Variants in TMEM132D observed in about 807,000 individuals in gnomAD.
TMEM132D encodes transmembrane protein 132D, also known as mature OL transmembrane protein.
In TMEM132D, 21 loss-of-function variants were observed where a neutral mutation model predicts 62.3. The ratio of observed to expected loss-of-function variants is 0.34; its 90% CI spans 0.24 to 0.49. The LOEUF (loss-of-function observed/expected upper bound fraction) is 0.49, where lower values mean the gene tolerates loss of function less well. TMEM132D is among the 20% of genes least tolerant of loss of function. The probability of loss-of-function intolerance (pLI) is 0.99; values close to 1 mark genes in which losing one functional copy is unlikely to be tolerated. For synonymous variants in TMEM132D, 621 were observed against 575.6 expected, an observed-to-expected ratio of 1.08 and a Z score of -1.13; for missense variants, 1,346 against 1,402.8, an observed-to-expected ratio of 0.96 and a Z score of 0.65.
chr12:129,128,190 G>A (rs909694605), intron 5 of TMEM132D, among the ~76,000 whole-genome samples: 1 of 152,156 alleles, frequency 6.6e-6, no homozygotes, highest in African/African-American at 2.4e-5. Flanking sequence ...AATGGTCACT[G>A]CCCATTTTCG....
At chr12:129,156,978 C>A (rs4964867) in intron 5 of TMEM132D, among the ~76,000 whole-genome samples, 80,364 of 151,998 alleles carry the variant, frequency 0.53, 23,393 homozygotes, top group Non-Finnish European at 0.66. Flanking sequence ...CGAGCCCACT[C>A]CTGAGATAAC....
intron 5 of TMEM132D, among the ~76,000 whole-genome samples, chr12:129,087,791 G>A (rs1874668494): frequency 6.6e-6 from 1 of 152,208 alleles, no homozygotes; most frequent in African/African-American, 2.4e-5. Flanking sequence ...TGGTGTGATG[G>A]TTTGTTATTG....
intron 5 of TMEM132D, among the ~76,000 whole-genome samples, chr12:129,125,397 G>A (rs955547712): frequency 1.3e-5 from 2 of 151,708 alleles, no homozygotes; most frequent in African/African-American, 4.8e-5. Context: ...CTTCTTAATC[G>A]TCCTGTGATT....
chr12:129,615,775 TAAAAC>T (rs200360615), intron 2 of TMEM132D, among the ~76,000 whole-genome samples: 166 of 130,158 alleles, frequency 1.3e-3, no homozygotes, highest in East Asian at 0.011. Context: ...ATAAAATAAT[TAAAAC>T]AAAACAAAAC....
intron 1 of TMEM132D, among the ~76,000 whole-genome samples, chr12:129,878,310 C>A (rs747030010): frequency 6.6e-6 from 1 of 152,156 alleles, no homozygotes; most frequent in Non-Finnish European, 1.5e-5. Flanking sequence ...GATTGCTTTA[C>A]GTTACTGTAA....
At chr12:129,574,618 C>T (rs1267940658) in intron 2 of TMEM132D, among the ~76,000 whole-genome samples, 1 of 151,750 alleles carries the variant, frequency 6.6e-6, no homozygotes, top group Non-Finnish European at 1.5e-5. Flanking sequence ...GAATGCCCTT[C>T]TGAGTGGAGA....
chr12:129,747,214 T>TTCTCCCTCCTCCCGCTCCTTCTCCCTCC (rs1555229163), intron 1 of TMEM132D, among the ~76,000 whole-genome samples: 12 of 5,926 alleles, frequency 2.0e-3, no homozygotes, highest in Non-Finnish European at 3.4e-3. Context: ...TTACTCCTCC[T>TTCTCCCTCCTCCCGCTCCTTCTCCCTCC]TCCAGCCACC....
At chr12:129,798,515 CA>C (rs144095169) in intron 1 of TMEM132D, among the ~76,000 whole-genome samples, 8 of 151,724 alleles carry the variant, frequency 5.3e-5, no homozygotes, top group Non-Finnish European at 2.9e-5. Context: ...TAAATTAAAG[CA>C]AAAAAAATTA....
intron 1 of TMEM132D, among the ~76,000 whole-genome samples, chr12:129,783,580 C>T (rs1166054120): frequency 6.6e-6 from 1 of 152,176 alleles, no homozygotes; most frequent in Non-Finnish European, 1.5e-5. Flanking sequence ...AGAGGGAGTG[C>T]TGAAGAGACA....
At chr12:129,232,327 C>G (rs1390450544) in intron 4 of TMEM132D, among the ~76,000 whole-genome samples, 2 of 152,150 alleles carry the variant, frequency 1.3e-5, no homozygotes, top group Non-Finnish European at 2.9e-5. Flanking sequence ...ACAGAGAGGG[C>G]AAACTGGCAA....
At chr12:129,220,828 G>C (rs138994431) in intron 4 of TMEM132D, among the ~76,000 whole-genome samples, 1 of 151,194 alleles carries the variant, frequency 6.6e-6, no homozygotes, top group Non-Finnish European at 1.5e-5. Flanking sequence ...CAGATGTCCA[G>C]ATCAGGTATA....
intron 3 of TMEM132D, among the ~76,000 whole-genome samples, chr12:129,463,733 T>C (rs1270113833): frequency 6.6e-6 from 1 of 152,224 alleles, no homozygotes; most frequent in East Asian, 1.9e-4. Flanking sequence ...TGTTCGGTTT[T>C]TTGTCCTTGC....
chr12:129,704,591 C>T (rs1881459113), intron 1 of TMEM132D, among the ~76,000 whole-genome samples: 1 of 152,176 alleles, frequency 6.6e-6, no homozygotes, highest in African/African-American at 2.4e-5. Context: ...GGCCCCTGCA[C>T]CCAACTCACA....
chr12:129,554,350 T>C (rs1398109576), intron 2 of TMEM132D, among the ~76,000 whole-genome samples: 1 of 152,162 alleles, frequency 6.6e-6, no homozygotes, highest in African/African-American at 2.4e-5. Context: ...GTGCTGGGTT[T>C]CAATATGGAA....
intron 4 of TMEM132D, among the ~76,000 whole-genome samples, chr12:129,240,271 G>A (rs1313970776): frequency 6.6e-6 from 1 of 152,128 alleles, no homozygotes; most frequent in Non-Finnish European, 1.5e-5. Context: ...TCACTTTTAT[G>A]CCGCTGGATA....
At chr12:129,759,716 G>A (rs1247348786) in intron 1 of TMEM132D, among the ~76,000 whole-genome samples, 1 of 152,170 alleles carries the variant, frequency 6.6e-6, no homozygotes, top group East Asian at 1.9e-4. Context: ...ATCAGAGATA[G>A]ACAAATGTTG....
rs1442799764 is a variant in TMEM132D, at chr12:129,698,388, G to A, written c.968+1422C>T. ...CAGTCATTAGATGCATGTCCATTAGGTTCTGTTTCTTTAGTTAAAATAGGC... is the reference window on the plus strand; with the variant it reads ...CAGTCATTAGATGCATGTCCATTAGATTCTGTTTCTTTAGTTAAAATAGGC... On this transcript the variant is annotated intron_variant, in intron 2 of 8. Transcript: ENST00000422113. Among the ~76,000 whole-genome samples the A allele has an allele frequency of 6.6e-5, 10 of 151,212 alleles. No homozygotes were observed. The South Asian group carries it at 1.9e-3, about 29-fold the overall frequency.
intron 2 of TMEM132D, among the ~76,000 whole-genome samples, chr12:129,546,435 A>G (rs571546957): frequency 2.7e-4 from 41 of 152,306 alleles, no homozygotes; most frequent in Admixed American, 1.1e-3. Context: ...AGCTCCCTAG[A>G]CATTAGAAAC....
chr12:129,655,942 A>C (rs921051877), intron 2 of TMEM132D, among the ~76,000 whole-genome samples: 10 of 152,168 alleles, frequency 6.6e-5, no homozygotes, highest in Non-Finnish European at 1.5e-4. Flanking sequence ...ACCTGAAGTG[A>C]CCAAACTTCT....
Sources: gnomAD v4.1 joint callset for allele counts (sites outside exome capture counted in the v4.1 genomes callset) on GRCh38, gnomAD v4.1.1 for gene constraint, MANE v1.5 for transcripts, NCBI Gene and HGNC (gene_info 2026-07-23, HGNC 2026-07-21) for gene names.